STIM1: variants seen among roughly 807,000 people sequenced by gnomAD.
STIM1 encodes stromal interaction molecule 1.
A neutral mutation model predicts 74.7 loss-of-function variants in STIM1; 25 were observed. The observed-to-expected ratio is 0.33, with a 90% CI of 0.24 to 0.47. The LOEUF is 0.47. Ranked by LOEUF, STIM1 falls within the 20% of genes least tolerant of loss-of-function variation. STIM1 has a pLI of 1.00. For synonymous variants in STIM1, 328 were observed against 348.8 expected (o/e 0.94, Z 0.66); for missense variants, 728 against 920.8 (o/e 0.79, Z 2.71).
chr11:3,920,034 C>T (rs7120125), intron 1 of STIM1, among the ~76,000 whole-genome samples: 92,291 of 151,786 alleles, frequency 0.61, 28,176 homozygotes, highest in East Asian at 0.66. Context: ...GCTATGATTG[C>T]GCCAGTGTAC....
chr11:4,091,452 A>C lies in STIM1; in HGVS notation c.1805A>C (p.Lys602Thr). ...EGVHPGSLVE[K>T]LPDSPALAKK... ...GTCCACCCAGGGTCTCTGGTGGAGAAACTGCCTGACAGCCCTGCCCTGGCC... is the reference window on the plus strand; with the variant it reads ...GTCCACCCAGGGTCTCTGGTGGAGACACTGCCTGACAGCCCTGCCCTGGCC... Residue 602 changes from lysine (K) to threonine (T), a missense_variant, in exon 13 of 13, where the codon AAA (lysine) becomes ACA (threonine). Transcript: ENST00000526596. The C allele has an allele frequency of 6.2e-7, 1 of 1,614,180 alleles. No homozygotes were observed. The highest frequency in any genetic ancestry group is 8.5e-7 in the Non-Finnish European group (1 of 1,180,026).
At chr11:4,087,127 T>C (rs1271055564) in intron 12 of STIM1, among the ~76,000 whole-genome samples, 2 of 152,174 alleles carry the variant, frequency 1.3e-5, no homozygotes, top group South Asian at 2.1e-4. Context: ...ACTATGCACT[T>C]TCACATTAGT....
chr11:4,048,311 T>C (rs922668738), intron 3 of STIM1, among the ~76,000 whole-genome samples: 1 of 152,242 alleles, frequency 6.6e-6, no homozygotes, highest in South Asian at 2.1e-4. Flanking sequence ...ACTTAAATTA[T>C]TTTTATTATA....
intron 3 of STIM1, among the ~76,000 whole-genome samples, chr11:4,051,563 G>A (rs1472439723): frequency 6.6e-6 from 1 of 151,918 alleles, no homozygotes; most frequent in Non-Finnish European, 1.5e-5. Context: ...GGATGGTCTT[G>A]AACTCTTGAG....
At chr11:3,956,547 T>TTAAAATA (rs200399467) in intron 1 of STIM1, among the ~76,000 whole-genome samples, 4,366 of 152,228 alleles carry the variant, frequency 0.029, 178 homozygotes, top group East Asian at 0.17. Context: ...TTTTAGGACT[T>TTAAAATA]GGTAATAGTA....
At chr11:4,078,168 G>A (rs978614931) in intron 7 of STIM1, among the ~76,000 whole-genome samples, 2 of 152,186 alleles carry the variant, frequency 1.3e-5, no homozygotes, top group African/African-American at 2.4e-5. Flanking sequence ...CTTTTGTGAA[G>A]TATATTAAGG....
At chr11:3,942,137 G>A (rs928203496) in intron 1 of STIM1, among the ~76,000 whole-genome samples, 6 of 152,186 alleles carry the variant, frequency 3.9e-5, no homozygotes, top group Non-Finnish European at 7.4e-5. Context: ...GGGTTTGAAG[G>A]TAGGGTAGAA....
At chr11:4,085,829 A>C (rs981685652) in intron 11 of STIM1, among the ~76,000 whole-genome samples, 1 of 152,248 alleles carries the variant, frequency 6.6e-6, no homozygotes. Flanking sequence ...TTGGTATTCC[A>C]AAGCTCAAGG....
rs1157478592 is a variant in STIM1, at chr11:3,895,683, CTTCTTTCTTTCTTTCTTTCTTTCT to C, written c.139+39305_139+39328del. On this transcript the variant is annotated intron_variant, in intron 1 of 12. Transcript: ENST00000526596. ...CTTTCTTTCTTTCTTTCCTTCCTTC[CTTCTTTCTTTCTTTCTTTCTTTCT>C]TTCTTTCTTTCTTTCTTTCTTTCTT... 4.8e-3 allele frequency among the ~76,000 whole-genome samples: 181 copies of C among 37,962 alleles called. 11 individuals carry two copies. The highest frequency in any genetic ancestry group is 0.023 in the African/African-American group (172 of 7,422). 24.9% of individuals were successfully genotyped at this position (37,962 alleles called of 152,430 possible).
intron 1 of STIM1, among the ~76,000 whole-genome samples, chr11:3,949,848 C>A (rs977123076): frequency 2.0e-5 from 3 of 152,138 alleles, no homozygotes; most frequent in Middle Eastern, 3.2e-3. Flanking sequence ...CAATCTTGTT[C>A]AGATTTCCCA....
intron 1 of STIM1, among the ~76,000 whole-genome samples, chr11:3,895,602 T>C (rs1001594149): frequency 1.6e-4 from 14 of 88,418 alleles, no homozygotes; most frequent in Admixed American, 1.2e-3. Context: ...TGTTCTTTCT[T>C]TCTCTCTCTT....
intron 1 of STIM1, among the ~76,000 whole-genome samples, chr11:3,943,446 T>C (rs1345608410): frequency 1.3e-5 from 2 of 152,224 alleles, no homozygotes; most frequent in African/African-American, 4.8e-5. Flanking sequence ...CTCCATGCAA[T>C]GCCTCTTAAT....
At chr11:4,017,887 C>T (rs911120398) in intron 2 of STIM1, among the ~76,000 whole-genome samples, 2 of 152,222 alleles carry the variant, frequency 1.3e-5, no homozygotes, top group Non-Finnish European at 2.9e-5. Context: ...TCTGCCCTTT[C>T]CCTTTTATAG....
At chr11:3,863,245 TG>T (rs1418514279) in intron 1 of STIM1, among the ~76,000 whole-genome samples, 3 of 65,418 alleles carry the variant, frequency 4.6e-5, no homozygotes, top group Non-Finnish European at 8.2e-5. Context: ...TGTGTGTGTG[TG>T]TGTGTGTGTG....
chr11:4,050,236 T>C (rs899113262), intron 3 of STIM1, among the ~76,000 whole-genome samples: 1 of 152,200 alleles, frequency 6.6e-6, no homozygotes, highest in Non-Finnish European at 1.5e-5. Flanking sequence ...ATACTCTACT[T>C]TTAAAGGCTG....
intron 2 of STIM1, among the ~76,000 whole-genome samples, chr11:4,013,940 C>T (rs2093868928): frequency 6.6e-6 from 1 of 151,946 alleles, no homozygotes; most frequent in African/African-American, 2.4e-5. Context: ...ATCTCCTGAC[C>T]TCGTGATCCG....
intron 12 of STIM1, chr11:4,089,078 A>T (rs995022890): frequency 6.9e-6 from 2 of 290,688 alleles, no homozygotes; most frequent in Non-Finnish European, 1.4e-5. Flanking sequence ...CAAAAAAAAA[A>T]TCAAAAATTT....
At chr11:3,909,686 C>T (rs866282917) in intron 1 of STIM1, among the ~76,000 whole-genome samples, 2 of 150,536 alleles carry the variant, frequency 1.3e-5, no homozygotes, top group African/African-American at 4.9e-5. Context: ...TAGCCTGGTG[C>T]GGTGGTGGGC....
At chr11:4,031,432 T>C (rs2094049281) in intron 3 of STIM1, among the ~76,000 whole-genome samples, 1 of 152,230 alleles carries the variant, frequency 6.6e-6, no homozygotes, top group East Asian at 1.9e-4. Context: ...GACTAGATGA[T>C]ATGGTAGGTA....
Sources: gnomAD v4.1 joint callset for allele counts (sites outside exome capture counted in the v4.1 genomes callset) on GRCh38, gnomAD v4.1.1 for gene constraint, MANE v1.5 for transcripts, NCBI Gene and HGNC (gene_info 2026-07-23, HGNC 2026-07-21) for gene names.